Variants in PLCH1 observed in about 807,000 individuals in gnomAD.
The protein encoded by PLCH1 is 1-phosphatidylinositol 4,5-bisphosphate phosphodiesterase eta-1.
Under a neutral mutation model 126.7 loss-of-function variants are expected in PLCH1, and 60 were observed. That is an observed-to-expected ratio of 0.47 (90% CI 0.38 to 0.59). The LOEUF (loss-of-function observed/expected upper bound fraction) is 0.59, where lower values mean the gene tolerates loss of function less well. Among genes scored for constraint, PLCH1 ranks in the 20% least tolerant of loss-of-function variants. The pLI, the probability that PLCH1 is intolerant of heterozygous loss-of-function variation, is 0.00. For synonymous variants in PLCH1, 719 were observed against 734.9 expected (o/e 0.98, Z 0.35); for missense variants, 1,723 against 2,040.0 (o/e 0.84, Z 2.99).
chr3:155,639,287 T>C (rs1184883141), intron 2 of PLCH1, among the ~76,000 whole-genome samples: 7 of 151,776 alleles, frequency 4.6e-5, no homozygotes, highest in Non-Finnish European at 7.4e-5. Flanking sequence ...GGTGAAACCT[T>C]GTCTCCACAA....
chr3:155,551,964 C>T (rs1726204143), intron 9 of PLCH1, among the ~76,000 whole-genome samples: 2 of 152,122 alleles, frequency 1.3e-5, no homozygotes, highest in Non-Finnish European at 2.9e-5. Context: ...GAAATAAAGG[C>T]AAAATTACTT....
intron 21 of PLCH1, among the ~76,000 whole-genome samples, chr3:155,463,592 G>A (rs570541114): frequency 5.6e-4 from 85 of 152,284 alleles, no homozygotes; most frequent in African/African-American, 1.5e-3. Flanking sequence ...TGGAATCTAT[G>A]AAGTGGGGGT....
chr3:155,609,233 T>A (rs563940941), intron 2 of PLCH1, among the ~76,000 whole-genome samples: 3 of 152,144 alleles, frequency 2.0e-5, no homozygotes, highest in Non-Finnish European at 4.4e-5. Context: ...TTCGCAGACT[T>A]TCCCCAGCAC....
Position 155,568,335 on chromosome 3 carries a change from C to T in PLCH1, c.772-11G>A, listed in dbSNP as rs367604908. The T allele has an allele frequency of 2.6e-6, 3 of 1,155,290 alleles. No homozygotes were observed. In the South Asian group the frequency reaches 3.9e-5, roughly 15 times the overall value. The allele number at this position is 1,155,290 out of a possible 1,614,324, so 71.6% of individuals were successfully genotyped here. A position where few individuals can be genotyped will look rare whatever the true frequency, so the allele number is the denominator to read the frequency against. On this transcript the variant is annotated splice_polypyrimidine_tract_variant and intron_variant, in intron 6 of 22. Coordinates refer to ENST00000460012, the MANE Select transcript of PLCH1 (RefSeq NM_014996.4). ...TGTCACATTATTCATCTAAGAAAAA[C>T]AGAATACTAGTAGAGTACCTGCAAT...
intron 2 of PLCH1, among the ~76,000 whole-genome samples, chr3:155,636,431 C>T (rs1323335088): frequency 6.6e-6 from 1 of 152,082 alleles, no homozygotes; most frequent in Non-Finnish European, 1.5e-5. Context: ...TGCTATTTAA[C>T]TTTTTCAACT....
intron 11 of PLCH1, among the ~76,000 whole-genome samples, chr3:155,520,096 G>C (rs180931542): frequency 6.6e-6 from 1 of 152,136 alleles, no homozygotes; most frequent in Non-Finnish European, 1.5e-5. Context: ...GAATCTTCCA[G>C]GGAGATTCCA....
intron 2 of PLCH1, among the ~76,000 whole-genome samples, chr3:155,640,680 T>C (rs184447476): frequency 1.2e-3 from 190 of 152,344 alleles, no homozygotes; most frequent in African/African-American, 4.5e-3. Flanking sequence ...CTCTAACCAT[T>C]ACATGAAAAC....
intron 1 of PLCH1, among the ~76,000 whole-genome samples, chr3:155,740,703 T>C (rs556445459): frequency 6.6e-6 from 1 of 152,204 alleles, no homozygotes; most frequent in East Asian, 1.9e-4. Flanking sequence ...AAAATCGTAT[T>C]TAAAAAATAA....
At chr3:155,469,414 C>A (rs1031339648) in intron 21 of PLCH1, among the ~76,000 whole-genome samples, 2 of 152,146 alleles carry the variant, frequency 1.3e-5, no homozygotes, top group Non-Finnish European at 2.9e-5. Context: ...GCACCTGGCT[C>A]GGAGGGTCCT....
At chr3:155,560,728 T>C (rs895067444) in intron 8 of PLCH1, among the ~76,000 whole-genome samples, 1 of 152,150 alleles carries the variant, frequency 6.6e-6, no homozygotes, top group Non-Finnish European at 1.5e-5. Context: ...TGCCCTGCAC[T>C]TTCCACCATG....
At chr3:155,516,386 G>T (rs937301799) in intron 11 of PLCH1, among the ~76,000 whole-genome samples, 1 of 152,186 alleles carries the variant, frequency 6.6e-6, no homozygotes, top group Non-Finnish European at 1.5e-5. Context: ...TGGAAAGAAG[G>T]GCTTTCCTGC....
intron 4 of PLCH1, among the ~76,000 whole-genome samples, chr3:155,588,421 A>C (rs1348785916): frequency 1.3e-5 from 2 of 152,150 alleles, no homozygotes; most frequent in Non-Finnish European, 2.9e-5. Context: ...CGCAGCACCC[A>C]CTTCGGGCTT....
chr3:155,682,617 A>C (rs994698207), intron 2 of PLCH1, among the ~76,000 whole-genome samples: 9 of 152,204 alleles, frequency 5.9e-5, no homozygotes, highest in Non-Finnish European at 1.2e-4. Flanking sequence ...ATCATTCTGC[A>C]TTTGCAAAAG....
chr3:155,566,107 A>G (rs890381424), intron 7 of PLCH1, among the ~76,000 whole-genome samples: 26 of 142,222 alleles, frequency 1.8e-4, no homozygotes, highest in African/African-American at 6.8e-4. Flanking sequence ...CCTAATATAT[A>G]TATACATATA....
At chr3:155,458,484 AAG>A (rs1457638063) in intron 21 of PLCH1, among the ~76,000 whole-genome samples, 1 of 111,608 alleles carries the variant, frequency 9.0e-6, no homozygotes, top group East Asian at 2.5e-4. Flanking sequence ...GAAAGAAAGA[AAG>A]AAAGAAAGAA....
At chr3:155,711,306 A>C (rs1387395855) in intron 1 of PLCH1, among the ~76,000 whole-genome samples, 1 of 152,188 alleles carries the variant, frequency 6.6e-6, no homozygotes, top group East Asian at 1.9e-4. Flanking sequence ...TGTAAAAATC[A>C]TGTAAAATTT....
At chr3:155,600,507 A>G (rs1733572709) in intron 2 of PLCH1, among the ~76,000 whole-genome samples, 1 of 152,174 alleles carries the variant, frequency 6.6e-6, no homozygotes, top group Non-Finnish European at 1.5e-5. Flanking sequence ...TCTCTGAGAA[A>G]AGTCTGCAAA....
chr3:155,702,755 C>A (rs1188043159), intron 2 of PLCH1, among the ~76,000 whole-genome samples: 1 of 152,172 alleles, frequency 6.6e-6, no homozygotes, highest in East Asian at 1.9e-4. Context: ...CCTAGTTCTT[C>A]TAACTCCCGT....
At chr3:155,525,664 G>A (rs1055939310) in intron 10 of PLCH1, among the ~76,000 whole-genome samples, 7 of 152,022 alleles carry the variant, frequency 4.6e-5, no homozygotes, top group Admixed American at 3.9e-4. Flanking sequence ...ACAATGCAGC[G>A]AGACTCCTGC....
Sources: gnomAD v4.1 joint callset for allele counts (sites outside exome capture counted in the v4.1 genomes callset) on GRCh38, gnomAD v4.1.1 for gene constraint, MANE v1.5 for transcripts, NCBI Gene and HGNC (gene_info 2026-07-23, HGNC 2026-07-21) for gene names.